PI4K2B: variants seen among roughly 807,000 people sequenced by gnomAD.
PI4K2B encodes phosphatidylinositol 4-kinase type 2 beta.
PI4K2B carries 46 observed loss-of-function variants against 56.6 expected under a neutral mutation model. The ratio of observed to expected loss-of-function variants is 0.81; its 90% CI spans 0.64 to 1.04. The LOEUF is 1.04. PI4K2B is among the 50% of genes least tolerant of loss of function. The pLI, the probability that PI4K2B is intolerant of heterozygous loss-of-function variation, is 0.00. For synonymous variants in PI4K2B, 211 were observed against 223.8 expected, an observed-to-expected ratio of 0.94 and a Z score of 0.51; for missense variants, 556 against 607.7, an observed-to-expected ratio of 0.91 and a Z score of 0.89.
chr4:25,236,030 G>A (rs1195843510), intron 1 of PI4K2B, among the ~76,000 whole-genome samples: 2 of 151,824 alleles, frequency 1.3e-5, no homozygotes, highest in East Asian at 3.9e-4. Context: ...TTCAAAGTGA[G>A]GATAGAGTAT....
chr4:25,267,003 C>T (rs999643716), intron 7 of PI4K2B, among the ~76,000 whole-genome samples: 2 of 152,022 alleles, frequency 1.3e-5, no homozygotes, highest in Non-Finnish European at 2.9e-5. Context: ...GAAAAACTAG[C>T]AAAAGAGAGA....
rs186945708 is a variant in PI4K2B, at chr4:25,246,088, G to T, written c.269-6233G>T. Among the ~76,000 whole-genome samples the T allele has an allele frequency of 4.1e-3, 631 of 152,256 alleles. 3 individuals are homozygous for T. Among genetic ancestry groups the T allele is most frequent in the Admixed American group, 7.8e-3 (120 of 15,298 alleles). On this transcript the variant is annotated intron_variant, in intron 1 of 9. Coordinates refer to ENST00000264864, the MANE Select transcript of PI4K2B (RefSeq NM_018323.4). ...TGGGTTCGTGGTCTCGCTGGCTTCA[G>T]GAGTGAAGCTGCAGACCTTCGCGGT...
intron 1 of PI4K2B, among the ~76,000 whole-genome samples, chr4:25,244,640 G>A (rs921536800): frequency 3.9e-5 from 6 of 152,142 alleles, no homozygotes; most frequent in African/African-American, 1.4e-4. Context: ...GCATTTCAAG[G>A]GTGAGTCTGT....
Position 25,265,690 on chromosome 4 carries a change from A to G in PI4K2B, c.1078+1841A>G, listed in dbSNP as rs74437296. ...TATTACTATTTCTAAGAAACTGTTCATTGTTATTTTCCAGCATTATTGCAT... is the reference window on the plus strand; with the variant it reads ...TATTACTATTTCTAAGAAACTGTTCGTTGTTATTTTCCAGCATTATTGCAT... On this transcript the variant is annotated intron_variant, in intron 7 of 9. Coordinates refer to ENST00000264864, the MANE Select transcript of PI4K2B (RefSeq NM_018323.4). Among the ~76,000 whole-genome samples the G allele has an allele frequency of 8.3e-4, 126 of 152,232 alleles. 2 individuals are homozygous for G. The East Asian group carries it at 0.021, about 25-fold the overall frequency.
At position 25,238,293 on chromosome 4, in the gene PI4K2B, A is replaced by G. The variant is rs1259974733; in HGVS notation, c.268+3862A>G. On this transcript the variant is annotated intron_variant, in intron 1 of 9. Transcript: ENST00000264864. The stretch of plus-strand genomic sequence containing the variant: ...ATTTGAACCAAAACAGAACAGACAA[A>G]GGGTAGCCTGTCACAGTCTCTTGGT... Among the ~76,000 whole-genome samples the G allele has an allele frequency of 2.0e-5, 3 of 152,246 alleles. No homozygotes were observed. In the East Asian group the frequency reaches 5.8e-4, roughly 29 times the overall value.
At chr4:25,243,766 C>T (rs1715640437) in intron 1 of PI4K2B, among the ~76,000 whole-genome samples, 1 of 152,182 alleles carries the variant, frequency 6.6e-6, no homozygotes, top group African/African-American at 2.4e-5. Flanking sequence ...TTATGGTGGA[C>T]ATCATTGAAT....
rs750682892 is a variant in PI4K2B, at chr4:25,255,276, C to T, written c.624+11C>T. 7.5e-6 allele frequency: 12 copies of T among 1,606,886 alleles called. No individual in the cohort carries two copies. The East Asian group carries it at 2.2e-4, about 30-fold the overall frequency. ...GTACCTAAAACAAAGGTAAGCCAGA[C>T]TTTATTTTTAACCATGGACTTTTAA... On this transcript the variant is annotated intron_variant, in intron 3 of 9. Coordinates refer to ENST00000264864, the MANE Select transcript of PI4K2B (RefSeq NM_018323.4).
chr4:25,243,918 C>T (rs1229602545), intron 1 of PI4K2B, among the ~76,000 whole-genome samples: 1 of 152,142 alleles, frequency 6.6e-6, no homozygotes, highest in East Asian at 1.9e-4. Context: ...GGAATTTGTC[C>T]CTTTCTTCGG....
Position 25,277,950 on chromosome 4 carries a change from G to C in PI4K2B, c.*763G>C, listed in dbSNP as rs941080022. On this transcript the variant is annotated 3_prime_UTR_variant, in exon 10 of 10. Coordinates refer to ENST00000264864, the MANE Select transcript of PI4K2B (RefSeq NM_018323.4). ...AAATTCCCTTCTGTTTCTTACATGG[G>C]ATCAAATACTTGAGATTAGTACTTC... 6.6e-6 allele frequency: 1 copy of C among 152,060 alleles called. No individual in the cohort carries two copies. Among genetic ancestry groups the C allele is most frequent in the Non-Finnish European group, 1.5e-5 (1 of 67,984 alleles). 9.4% of individuals were successfully genotyped at this position (152,060 alleles called of 1,614,324 possible).
At chr4:25,246,674 G>C (rs987056477) in intron 1 of PI4K2B, among the ~76,000 whole-genome samples, 1 of 152,228 alleles carries the variant, frequency 6.6e-6, no homozygotes, top group Non-Finnish European at 1.5e-5. Context: ...TGGAGCAGAG[G>C]GTGGTGCTTG....
chr4:25,243,794 CT>C (rs1158950668), intron 1 of PI4K2B, among the ~76,000 whole-genome samples: 1 of 152,144 alleles, frequency 6.6e-6, no homozygotes, highest in Non-Finnish European at 1.5e-5. Context: ...GGGCTTTTTT[CT>C]AATTCTCAGT....
intron 1 of PI4K2B, among the ~76,000 whole-genome samples, chr4:25,239,196 TG>T (rs1019253786): frequency 5.3e-5 from 8 of 152,078 alleles, no homozygotes; most frequent in African/African-American, 1.7e-4. Context: ...GATCCCACAC[TG>T]GGGCCACAGG....
chr4:25,267,063 C>T (rs1716688768), intron 7 of PI4K2B, among the ~76,000 whole-genome samples: 1 of 152,128 alleles, frequency 6.6e-6, no homozygotes, highest in Non-Finnish European at 1.5e-5. Context: ...ATCTCCAACA[C>T]CATAGAGGAG....
chr4:25,270,390 G>T (rs1716839705), intron 9 of PI4K2B, among the ~76,000 whole-genome samples: 1 of 151,548 alleles, frequency 6.6e-6, no homozygotes, highest in African/African-American at 2.4e-5. Context: ...CTGTCGCCCA[G>T]GCTGGAGTGC....
At chr4:25,254,607 G>C (rs937576866) in intron 2 of PI4K2B, among the ~76,000 whole-genome samples, 1 of 152,114 alleles carries the variant, frequency 6.6e-6, no homozygotes, top group African/African-American at 2.4e-5. Context: ...TAGAGATGGG[G>C]TTTCACCATG....
intron 6 of PI4K2B, among the ~76,000 whole-genome samples, chr4:25,262,297 T>A (rs1716508443): frequency 6.6e-6 from 1 of 152,150 alleles, no homozygotes; most frequent in Non-Finnish European, 1.5e-5. Context: ...GTTGTGGTTG[T>A]GCCTCTGCAC....
intron 1 of PI4K2B, among the ~76,000 whole-genome samples, chr4:25,237,618 G>A (rs569385124): frequency 1.1e-4 from 16 of 152,264 alleles, no homozygotes; most frequent in African/African-American, 1.7e-4. Context: ...CTCCCGCCTC[G>A]GCTTCCCAGA....
chr4:25,238,843 G>A (rs562068184), intron 1 of PI4K2B, among the ~76,000 whole-genome samples: 1 of 152,290 alleles, frequency 6.6e-6, no homozygotes, highest in African/African-American at 2.4e-5. Context: ...ACCTGAGCAG[G>A]TTGCCACTGC....
At chr4:25,244,198 C>A (rs1159370598) in intron 1 of PI4K2B, among the ~76,000 whole-genome samples, 1 of 152,168 alleles carries the variant, frequency 6.6e-6, no homozygotes, top group African/African-American at 2.4e-5. Context: ...AAATTCCCCT[C>A]CCCCTACAGC....
Sources: allele counts gnomAD v4.1 joint callset (sites outside exome capture counted in the v4.1 genomes callset), GRCh38; gene constraint gnomAD v4.1.1; transcripts MANE v1.5; gene names NCBI Gene and HGNC (gene_info 2026-07-23, HGNC 2026-07-21).